ABCA8: variants seen among roughly 807,000 people sequenced by gnomAD.
ABCA8 encodes the protein ATP binding cassette subfamily A member 8, also known as ABC-type organic anion transporter ABCA8.
A neutral mutation model predicts 192.3 loss-of-function variants in ABCA8; 177 were observed. The ratio of observed to expected loss-of-function variants is 0.92; its 90% CI spans 0.81 to 1.04. The LOEUF (loss-of-function observed/expected upper bound fraction) is 1.04, where lower values mean the gene tolerates loss of function less well. Among genes scored for constraint, ABCA8 ranks in the 50% least tolerant of loss-of-function variants. ABCA8 has a pLI of 0.00. For missense variants in ABCA8, 1,915 were observed against 1,904.8 expected, an observed-to-expected ratio of 1.01 and a Z score of -0.10; for synonymous variants, 642 against 690.2, an observed-to-expected ratio of 0.93 and a Z score of 1.09.
At chr17:68,873,048 C>G (rs2066106931) in intron 37 of ABCA8, among the ~76,000 whole-genome samples, 1 of 152,168 alleles carries the variant, frequency 6.6e-6, no homozygotes. Flanking sequence ...AAGTCATGTA[C>G]AGTAATGTCC....
rs116810766 is a variant in ABCA8 at position 68,917,227 on chromosome 17, T to G, written c.2138+134A>C. ...CGGAGCTTGCAGTGAGCCGAGATGA[T>G]CGATACTCCGTCTCAAAAACAAAAC... On this transcript the variant is annotated intron_variant, in intron 17 of 39. Coordinates refer to ENST00000586539, the MANE Select transcript of ABCA8 (RefSeq NM_001288985.2). 244 of 550,286 alleles carry G rather than the reference T, an allele frequency of 4.4e-4. No individual in the cohort carries two copies. In the African/African-American group the frequency reaches 4.5e-3, roughly 10 times the overall value. The allele number at this position is 550,286 out of a possible 1,614,324, so 34.1% of individuals were successfully genotyped here.
intron 16 of ABCA8, 116 bp downstream of exon 16, chr17:68,917,931 A>G: frequency 7.9e-7 from 1 of 1,268,060 alleles, no homozygotes; most frequent in Non-Finnish European, 1.1e-6. Context: ...CAGCCATTCA[A>G]TTTACCAGAT....
At chr17:68,933,652 T>C (rs1345293684) in intron 5 of ABCA8, among the ~76,000 whole-genome samples, 2 of 152,176 alleles carry the variant, frequency 1.3e-5, no homozygotes, top group Non-Finnish European at 2.9e-5. Context: ...TGAGAGACAC[T>C]AAACTAAAGC....
intron 17 of ABCA8, among the ~76,000 whole-genome samples, chr17:68,913,662 C>G (rs747465572): frequency 5.3e-5 from 8 of 152,040 alleles, no homozygotes; most frequent in Non-Finnish European, 7.4e-5. Flanking sequence ...TAGACACGTA[C>G]AATCTACCAA....
intron 11 of ABCA8, among the ~76,000 whole-genome samples, chr17:68,923,672 T>C (rs1352110694): frequency 6.6e-6 from 1 of 152,188 alleles, no homozygotes; most frequent in African/African-American, 2.4e-5. Context: ...AAACCTAGCT[T>C]AGTTGTGGGA....
At chr17:68,920,136 A>G (rs1301353710) in intron 13 of ABCA8, 4 of 152,206 alleles carry the variant, frequency 2.6e-5, no homozygotes, top group Non-Finnish European at 5.9e-5. Context: ...CATCTTTAGT[A>G]AACTAATGCA....
chr17:68,887,778 T>C (rs990792932), intron 24 of ABCA8, among the ~76,000 whole-genome samples: 3 of 150,466 alleles, frequency 2.0e-5, no homozygotes, highest in African/African-American at 7.4e-5. Context: ...AAAACAGTGA[T>C]TTAATGACTT....
At chr17:68,918,240 G>A (rs2067433772) in intron 15 of ABCA8, 55 bp from the exon 16 acceptor site, 3 of 1,601,840 alleles carry the variant, frequency 1.9e-6, no homozygotes, top group African/African-American at 1.3e-5. Context: ...AGTTCTTCCA[G>A]AAAACAACGC....
chr17:68,905,503 A>G (rs1302541407), intron 19 of ABCA8, among the ~76,000 whole-genome samples: 1 of 152,212 alleles, frequency 6.6e-6, no homozygotes, highest in Non-Finnish European at 1.5e-5. Flanking sequence ...AGTATCAGAA[A>G]TAGAGAGTTT....
At chr17:68,952,226 T>C (rs911233204) in intron 1 of ABCA8, among the ~76,000 whole-genome samples, 1 of 152,158 alleles carries the variant, frequency 6.6e-6, no homozygotes, top group Non-Finnish European at 1.5e-5. Context: ...TTTATTTATT[T>C]ATTTATTTTT....
chr17:68,902,590 T>A, intron 21 of ABCA8, 123 bp downstream of exon 21: 1 of 767,562 alleles, frequency 1.3e-6, no homozygotes, highest in Non-Finnish European at 1.9e-6. Context: ...TCTTTAAGTT[T>A]CATAAATTGT....
rs143207789 is a variant in ABCA8, at chr17:68,929,199, C to A, written c.975G>T (p.Lys325Asn). 38 of 1,603,880 alleles carry A rather than the reference C, an allele frequency of 2.4e-5. No individual in the cohort carries two copies. In the African/African-American group the frequency reaches 4.0e-4, roughly 17 times the overall value. Reference protein sequence around the residue: ...ALAFLMSILVKKSFLTGLVVF... With the variant: ...ALAFLMSILVNKSFLTGLVVF... Reference sequence around the variant, plus strand: ...CGACCAGGCCGGTGAGGAAAGATTTCTTTACCAAGATGCTCATTAAGAAAG... The same window carrying A: ...CGACCAGGCCGGTGAGGAAAGATTTATTTACCAAGATGCTCATTAAGAAAG... The change falls in exon 9 of 40, where the codon AAG (lysine) becomes AAT (asparagine). Residue 325 changes from lysine (K) to asparagine (N), a missense_variant. Transcript: ENST00000586539.
chr17:68,927,891 T>A (rs772306157), intron 10 of ABCA8, 25 bp downstream of exon 10: 1 of 1,497,076 alleles, frequency 6.7e-7, no homozygotes, highest in South Asian at 1.3e-5. Context: ...AAATGATATA[T>A]GATTTTAATC....
At position 68,889,494 on chromosome 17, in the gene ABCA8, G is replaced by C. The variant is rs567920819; in HGVS notation, c.3145-1988C>G. ...TTTCTCTTTATCTTTTCAAGTTCTC[G>C]CATTTCCAAAAATATCATTTCCTTT... On this transcript the variant is annotated intron_variant, in intron 24 of 39. Transcript: ENST00000586539. 8.1e-4 allele frequency among the ~76,000 whole-genome samples: 123 copies of C among 152,164 alleles called. 3 individuals are homozygous for C. In the South Asian group the frequency reaches 0.026, roughly 32 times the overall value.
intron 13 of ABCA8, among the ~76,000 whole-genome samples, chr17:68,921,037 C>A (rs897376342): frequency 2.6e-4 from 39 of 152,090 alleles, no homozygotes; most frequent in African/African-American, 8.2e-4. Context: ...ATGATGAGTT[C>A]GTGTCCTTTG....
chr17:68,936,916 TAG>T (rs779041139), intron 5 of ABCA8, 33 bp downstream of exon 5: 2 of 1,516,302 alleles, frequency 1.3e-6, no homozygotes, highest in Non-Finnish European at 8.8e-7. Flanking sequence ...ATAATTGAAA[TAG>T]AGAGTAGTGA....
intron 6 of ABCA8, 47 bp from the exon 7 acceptor site, chr17:68,932,561 A>G (rs749790896): frequency 7.4e-7 from 1 of 1,349,772 alleles, no homozygotes; most frequent in South Asian, 1.2e-5. Flanking sequence ...AATGAACAGC[A>G]TGCAGTTTTC....
intron 23 of ABCA8, 119 bp downstream of exon 23, chr17:68,894,054 A>C: frequency 9.1e-7 from 1 of 1,102,760 alleles, no homozygotes; most frequent in Non-Finnish European, 1.3e-6. Context: ...AATGAGTCCA[A>C]ATGTTAATTT....
intron 28 of ABCA8, 28 bp from the exon 29 acceptor site, chr17:68,883,910 G>T: frequency 1.5e-6 from 2 of 1,346,336 alleles, no homozygotes; most frequent in South Asian, 1.3e-5. Context: ...TGCACAATTA[G>T]AAACATAAAA....
Sources: gnomAD v4.1 joint callset for allele counts (sites outside exome capture counted in the v4.1 genomes callset) on GRCh38, gnomAD v4.1.1 for gene constraint, MANE v1.5 for transcripts, NCBI Gene and HGNC (gene_info 2026-07-23, HGNC 2026-07-21) for gene names.